ZNF385C: variants seen among roughly 807,000 people sequenced by gnomAD.
ZNF385C encodes the protein zinc finger protein 385C.
Under a neutral mutation model 35.4 loss-of-function variants are expected in ZNF385C, and 28 were observed. The ratio of observed to expected loss-of-function variants is 0.79; its 90% CI spans 0.59 to 1.08. The LOEUF (loss-of-function observed/expected upper bound fraction) is 1.08, where lower values mean the gene tolerates loss of function less well. ZNF385C is among the 50% of genes least tolerant of loss of function. The pLI, the probability that ZNF385C is intolerant of heterozygous loss-of-function variation, is 0.00. For missense variants in ZNF385C, 605 were observed against 595.6 expected (o/e 1.02, Z -0.16); for synonymous variants, 248 against 248.2 (o/e 1.00, Z 0.01).
intron 2 of ZNF385C, chr17:42,043,525 T>A: frequency 1.8e-6 from 1 of 550,392 alleles, no homozygotes; most frequent in Non-Finnish European, 2.7e-6. Flanking sequence ...CCCATCCATC[T>A]AAGCCTGGAG....
At chr17:42,028,333 C>T (rs1405284866) in intron 6 of ZNF385C, 87 bp from the exon 7 acceptor site, 24 of 1,368,422 alleles carry the variant, frequency 1.8e-5, no homozygotes, top group Non-Finnish European at 2.3e-5. Flanking sequence ...CAATTTGGCT[C>T]TCCCTGTAAG....
At chr17:42,035,451 C>T in intron 3 of ZNF385C, among the ~76,000 whole-genome samples, 1 of 151,872 alleles carries the variant, frequency 6.6e-6, no homozygotes, top group East Asian at 1.9e-4. Flanking sequence ...TCCCATCACC[C>T]AGGCTTCATG....
intron 3 of ZNF385C, among the ~76,000 whole-genome samples, chr17:42,035,566 T>A (rs1008909046): frequency 1.3e-4 from 19 of 147,248 alleles, no homozygotes; most frequent in African/African-American, 4.5e-4. Context: ...TTTTTTTTTT[T>A]TATAAGATGG....
intron 1 of ZNF385C, among the ~76,000 whole-genome samples, chr17:42,084,362 A>G (rs897638741): frequency 9.9e-5 from 15 of 151,714 alleles, no homozygotes; most frequent in Non-Finnish European, 1.8e-4. Flanking sequence ...CAAACAAAAA[A>G]CTATTATTTT....
chr17:42,078,090 T>C (rs1391061399), intron 1 of ZNF385C, among the ~76,000 whole-genome samples: 1 of 152,070 alleles, frequency 6.6e-6, no homozygotes, highest in Non-Finnish European at 1.5e-5. Flanking sequence ...CCCCAAATAA[T>C]GAGACAGGCA....
chr17:42,051,737 CT>C (rs782351314), intron 2 of ZNF385C, among the ~76,000 whole-genome samples: 5 of 152,122 alleles, frequency 3.3e-5, no homozygotes, highest in African/African-American at 4.8e-5. Context: ...GGGTACGCTG[CT>C]CTTCTGCAAA....
chr17:42,042,079 C>T lies in ZNF385C; in HGVS notation c.251-4194G>A, dbSNP rs148477344. 4.6e-3 allele frequency among the ~76,000 whole-genome samples: 699 copies of T among 152,144 alleles called. 5 individuals are homozygous for T. Among genetic ancestry groups the T allele is most frequent in the African/African-American group, 0.016 (678 of 41,518 alleles). ...AAACAGGCTCAGCACAGAAAACAGC[C>T]CCAAAAGAAAACTAAGTCAAAAGTC... On this transcript the variant is annotated intron_variant, in intron 2 of 8. Coordinates refer to ENST00000692273, the MANE Select transcript of ZNF385C (RefSeq NM_001392013.1).
chr17:42,040,008 G>A, intron 2 of ZNF385C: 1 of 1,231,058 alleles, frequency 8.1e-7, no homozygotes, highest in Non-Finnish European at 1.0e-6. Flanking sequence ...GGGCCCGCGG[G>A]CCGAGCCGCC....
intron 1 of ZNF385C, among the ~76,000 whole-genome samples, chr17:42,070,433 C>T (rs537180971): frequency 5.9e-5 from 9 of 152,302 alleles, no homozygotes; most frequent in Admixed American, 1.3e-4. Context: ...CACACAGAGC[C>T]GCTACTGCTA....
chr17:42,050,536 G>A lies in ZNF385C; in HGVS notation c.250+12271C>T. On this transcript the variant is annotated intron_variant, in intron 2 of 8. Coordinates refer to ENST00000692273, the MANE Select transcript of ZNF385C (RefSeq NM_001392013.1). This position sits in a 1 kb window ranked among gnomAD's most constrained non-coding sequence, Gnocchi z 5.6. Reference sequence around the variant, plus strand: ...GCGTCCAGCCCGGCCTGGCGCCCCCGCCCCGTCCGCTCGCACTCACGGAGA... The same window carrying A: ...GCGTCCAGCCCGGCCTGGCGCCCCCACCCCGTCCGCTCGCACTCACGGAGA... The A allele has an allele frequency of 6.6e-6, 1 of 151,878 alleles. No individual in the cohort carries two copies. The allele number at this position is 151,878 out of a possible 1,614,324, so 9.4% of individuals were successfully genotyped here.
At chr17:42,030,666 ATC>A (rs1390249574) in intron 5 of ZNF385C, among the ~76,000 whole-genome samples, 3 of 152,210 alleles carry the variant, frequency 2.0e-5, no homozygotes, top group Admixed American at 6.5e-5. Flanking sequence ...CAAAATTCAC[ATC>A]TATCTGGAAC....
At chr17:42,029,307 C>G (rs2052673626) in intron 5 of ZNF385C, among the ~76,000 whole-genome samples, 1 of 152,192 alleles carries the variant, frequency 6.6e-6, no homozygotes, top group Non-Finnish European at 1.5e-5. Flanking sequence ...TCCTTATTTG[C>G]TAACTTAAAC....
intron 1 of ZNF385C, among the ~76,000 whole-genome samples, chr17:42,093,019 G>A (rs1025983984): frequency 1.1e-4 from 16 of 152,238 alleles, no homozygotes; most frequent in Non-Finnish European, 1.8e-4. Context: ...GACCTGTGGA[G>A]TCAGTCCTTG....
chr17:42,039,588 A>C, intron 2 of ZNF385C: 1 of 991,260 alleles, frequency 1.0e-6, no homozygotes, highest in Non-Finnish European at 1.3e-6. Flanking sequence ...GGATGGCCTC[A>C]GGCCCCTGGG....
Position 42,035,284 on chromosome 17 carries a change from T to C in ZNF385C, c.400-949A>G, listed in dbSNP as rs183753818. Among the ~76,000 whole-genome samples, 515 of 152,036 alleles carry C rather than the reference T, an allele frequency of 3.4e-3. 2 individuals carry two copies. The highest frequency in any genetic ancestry group is 4.7e-3 in the Non-Finnish European group (322 of 67,990). ...TGCATGTTTCTGGGACATAGAACCA[T>C]GTCCTGGTGATCACCTTGGCATCTC... On this transcript the variant is annotated intron_variant, in intron 3 of 8. Transcript: ENST00000692273.
chr17:42,090,361 A>G (rs2053853522), intron 1 of ZNF385C, among the ~76,000 whole-genome samples: 1 of 132,440 alleles, frequency 7.6e-6, no homozygotes, highest in African/African-American at 3.0e-5. Flanking sequence ...ATCTCGGCTC[A>G]CTGCAACCTC....
chr17:42,080,715 T>C (rs367549485), intron 1 of ZNF385C, among the ~76,000 whole-genome samples: 36 of 152,272 alleles, frequency 2.4e-4, no homozygotes, highest in African/African-American at 8.4e-4. Flanking sequence ...TTGCAGGCCA[T>C]GAAGAAGGAG....
At chr17:42,032,242 A>T (rs1555655065) in intron 4 of ZNF385C, among the ~76,000 whole-genome samples, 1 of 152,000 alleles carries the variant, frequency 6.6e-6, no homozygotes, top group Admixed American at 6.6e-5. Context: ...TTGTATTTTT[A>T]GTAGAGACGG....
chr17:42,069,656 C>T (rs538950771), intron 1 of ZNF385C, among the ~76,000 whole-genome samples: 12 of 152,378 alleles, frequency 7.9e-5, no homozygotes, highest in Admixed American at 6.5e-4. Flanking sequence ...GCCACCCTCC[C>T]GCCTCCCCAG....
Sources: allele counts gnomAD v4.1 joint callset (sites outside exome capture counted in the v4.1 genomes callset), GRCh38; gene constraint gnomAD v4.1.1; non-coding constraint Gnocchi (gnomAD v3.1); transcripts MANE v1.5; gene names NCBI Gene and HGNC (gene_info 2026-07-23, HGNC 2026-07-21).